NETO1: variants seen among roughly 807,000 people sequenced by gnomAD.
NETO1 encodes neuropilin and tolloid-like protein 1.
In NETO1, 26 loss-of-function variants were observed where a neutral mutation model predicts 61.3. The observed-to-expected ratio is 0.42, with a 90% CI of 0.31 to 0.59. NETO1 has a LOEUF of 0.59. Among genes scored for constraint, NETO1 ranks in the 20% least tolerant of loss-of-function variants. NETO1 has a pLI of 0.12. For missense variants in NETO1, 531 were observed against 662.8 expected (o/e 0.80, Z 2.18); for synonymous variants, 225 against 225.8 (o/e 1.00, Z 0.03).
chr18:72,764,871 G>A (rs954643479), intron 7 of NETO1, among the ~76,000 whole-genome samples: 8 of 152,038 alleles, frequency 5.3e-5, no homozygotes, highest in Admixed American at 1.3e-4. Context: ...TTTCTTCCCC[G>A]GATACCGTTG....
At chr18:72,864,009 C>T (rs2074659204) in intron 3 of NETO1, among the ~76,000 whole-genome samples, 4 of 152,070 alleles carry the variant, frequency 2.6e-5, no homozygotes, top group Non-Finnish European at 5.9e-5. Context: ...CACTTGAGGT[C>T]ATGAGTTTGA....
At chr18:72,859,178 T>A in intron 3 of NETO1, 104 bp from the exon 4 acceptor site, 2 of 1,121,770 alleles carry the variant, frequency 1.8e-6, no homozygotes, top group South Asian at 1.8e-5. Flanking sequence ...CTCTCAAACT[T>A]TATGGATGAT....
At chr18:72,802,239 T>C (rs1413158950) in intron 4 of NETO1, among the ~76,000 whole-genome samples, 1 of 151,952 alleles carries the variant, frequency 6.6e-6, no homozygotes, top group African/African-American at 2.4e-5. Flanking sequence ...AAACTCAAAA[T>C]AGTGAACTCA....
intron 6 of NETO1, among the ~76,000 whole-genome samples, chr18:72,791,118 T>A (rs1012066738): frequency 2.6e-5 from 4 of 152,232 alleles, no homozygotes; most frequent in Non-Finnish European, 4.4e-5. Context: ...GTTTTCCGAA[T>A]TCTATGAAAT....
Position 72,811,124 on chromosome 18 carries a change from A to G in NETO1, c.470-16720T>C, listed in dbSNP as rs143283494. Among the ~76,000 whole-genome samples the G allele has an allele frequency of 3.7e-3, 560 of 152,172 alleles. 4 individuals carry two copies. Among genetic ancestry groups the G allele is most frequent in the African/African-American group, 0.013 (524 of 41,508 alleles). On this transcript the variant is annotated intron_variant, in intron 4 of 10. Transcript: ENST00000327305. ...CTTTGTCACGGCCTTCCTCACCCTC[A>G]GGCTTCACAGTACTCACCGTCTCCA...
chr18:72,799,092 C>T (rs1206731276), intron 4 of NETO1, among the ~76,000 whole-genome samples: 3 of 152,214 alleles, frequency 2.0e-5, no homozygotes, highest in Admixed American at 6.5e-5. Context: ...AACTTCATTG[C>T]TAAAGCTAAG....
intron 4 of NETO1, among the ~76,000 whole-genome samples, chr18:72,856,965 C>A (rs1253005376): frequency 6.6e-6 from 1 of 152,220 alleles, no homozygotes; most frequent in African/African-American, 2.4e-5. Flanking sequence ...TAATCCCTTC[C>A]CACTTCCTAT....
At position 72,799,492 on chromosome 18, in the gene NETO1, G is replaced by A. The variant is rs569185640; in HGVS notation, c.470-5088C>T. Among the ~76,000 whole-genome samples the A allele has an allele frequency of 2.6e-5, 4 of 152,340 alleles. No individual in the cohort carries two copies. The South Asian group carries it at 8.3e-4, about 32-fold the overall frequency. On this transcript the variant is annotated intron_variant, in intron 4 of 10. Transcript: ENST00000327305. The stretch of plus-strand genomic sequence containing the variant: ...AGTCATTTTGTGTCTGTATATGCAT[G>A]AATGGAGTGGCTGCCATGACTGGAC...
chr18:72,776,292 G>A (rs1347530624), intron 7 of NETO1, among the ~76,000 whole-genome samples: 1 of 152,070 alleles, frequency 6.6e-6, no homozygotes, highest in African/African-American at 2.4e-5. Context: ...TTGAGAGTGA[G>A]AACTCACTCA....
chr18:72,772,675 C>T (rs181330548), intron 7 of NETO1, among the ~76,000 whole-genome samples: 1 of 149,952 alleles, frequency 6.7e-6, no homozygotes, highest in Non-Finnish European at 1.5e-5. Context: ...TCTGAGACAG[C>T]CTTTCTTTCT....
intron 6 of NETO1, among the ~76,000 whole-genome samples, chr18:72,784,161 T>C (rs1243514241): frequency 6.6e-6 from 1 of 152,212 alleles, no homozygotes; most frequent in Non-Finnish European, 1.5e-5. Flanking sequence ...ATTCGCTTTA[T>C]GTCTTCTCAT....
In NETO1 at chr18:72,858,864, T is replaced by C. The variant is rs1334485375; in HGVS notation, c.431A>G (p.Glu144Gly). ...WIKFFADGEL[E>G]SMGFSARYNF... ...GTATCGAGCTGAAAATCCCATAGAT[T>C]CCAGCTCTCCATCAGCAAAAAATTT... is the stretch of plus-strand genomic sequence containing the variant. Residue 144 changes from glutamate to glycine, a missense_variant, in exon 4 of 11, where the codon GAA (glutamate) becomes GGA (glycine). Transcript: ENST00000327305. The C allele has an allele frequency of 6.2e-7, 1 of 1,613,742 alleles. No homozygotes were observed. Among genetic ancestry groups the C allele is most frequent in the Non-Finnish European group, 8.5e-7 (1 of 1,179,804 alleles).
intron 5 of NETO1, 31 bp downstream of exon 5, chr18:72,794,332 C>A (rs2072239668): frequency 1.2e-6 from 2 of 1,613,360 alleles, no homozygotes; most frequent in African/African-American, 1.3e-5. Context: ...ACAAAGTCTT[C>A]TGAACAGTAT....
At chr18:72,838,184 A>C (rs911412554) in intron 4 of NETO1, among the ~76,000 whole-genome samples, 2 of 152,208 alleles carry the variant, frequency 1.3e-5, no homozygotes, top group Non-Finnish European at 2.9e-5. Context: ...CTCCCTAGCT[A>C]AGAAAGAGGT....
At chr18:72,848,209 C>A (rs777883632) in intron 4 of NETO1, among the ~76,000 whole-genome samples, 2 of 152,178 alleles carry the variant, frequency 1.3e-5, no homozygotes, top group African/African-American at 4.8e-5. Flanking sequence ...AGGCTCCAGA[C>A]TCAAAATGCA....
chr18:72,866,862 G>GCT, intron 1 of NETO1: 1 of 918,598 alleles, frequency 1.1e-6, no homozygotes, highest in Non-Finnish European at 1.3e-6. Context: ...GCGAACAGGG[G>GCT]CCCGCCGAGC....
At chr18:72,771,658 C>A (rs147585246) in intron 7 of NETO1, among the ~76,000 whole-genome samples, 3 of 152,146 alleles carry the variant, frequency 2.0e-5, no homozygotes, top group African/African-American at 7.2e-5. Context: ...TGATTGTTTC[C>A]TACAATTACA....
At chr18:72,853,863 A>G (rs1568264735) in intron 4 of NETO1, among the ~76,000 whole-genome samples, 1 of 152,102 alleles carries the variant, frequency 6.6e-6, no homozygotes, top group Admixed American at 6.5e-5. Context: ...AATAAATAAT[A>G]CGAAGATTTT....
intron 4 of NETO1, among the ~76,000 whole-genome samples, chr18:72,809,298 A>G (rs2072783671): frequency 6.6e-6 from 1 of 152,216 alleles, no homozygotes. Context: ...TCAAAACCCA[A>G]ATGAAAATAA....
Sources: allele counts gnomAD v4.1 joint callset (sites outside exome capture counted in the v4.1 genomes callset), GRCh38; gene constraint gnomAD v4.1.1; transcripts MANE v1.5; gene names NCBI Gene and HGNC (gene_info 2026-07-23, HGNC 2026-07-21).